The following ABHD18 variants were observed in gnomAD, a reference collection of about 807,000 sequenced individuals.
ABHD18 encodes abhydrolase domain containing 18.
In ABHD18, 55 loss-of-function variants were observed where a neutral mutation model predicts 65.9. The ratio of observed to expected loss-of-function variants is 0.84; its 90% CI spans 0.67 to 1.05. The LOEUF is 1.05. Ranked by LOEUF, ABHD18 falls within the 50% of genes least tolerant of loss-of-function variation. The probability of loss-of-function intolerance (pLI) is 0.00; values close to 1 mark genes in which losing one functional copy is unlikely to be tolerated. For synonymous variants in ABHD18, 181 were observed against 180.2 expected, an observed-to-expected ratio of 1.00 and a Z score of -0.04; for missense variants, 533 against 558.5, an observed-to-expected ratio of 0.95 and a Z score of 0.46.
intron 1 of ABHD18, among the ~76,000 whole-genome samples, chr4:127,982,242 A>C (rs544193729): frequency 3.3e-5 from 5 of 152,342 alleles, no homozygotes; most frequent in Admixed American, 1.3e-4. Flanking sequence ...TAAACCCTGA[A>C]TCTGAATCAG....
At chr4:128,004,623 C>T (rs181400405) in intron 4 of ABHD18, among the ~76,000 whole-genome samples, 14 of 151,902 alleles carry the variant, frequency 9.2e-5, no homozygotes, top group East Asian at 5.8e-4. Context: ...AAAAATTATA[C>T]GTGAGAGCCG....
chr4:128,025,495 A>G (rs1442372606), intron 10 of ABHD18, among the ~76,000 whole-genome samples: 1 of 152,148 alleles, frequency 6.6e-6, no homozygotes, highest in Non-Finnish European at 1.5e-5. Context: ...TTACTGCTAT[A>G]TAATAGTCTA....
At chr4:127,999,262 C>A (rs546000482) in intron 4 of ABHD18, among the ~76,000 whole-genome samples, 1 of 151,496 alleles carries the variant, frequency 6.6e-6, no homozygotes, top group South Asian at 2.1e-4. Context: ...CCAGCCTGGG[C>A]GACAGAGTGA....
Position 128,003,367 on chromosome 4 carries a change from C to CA in ABHD18, c.279-5538dup, listed in dbSNP as rs373482106. On this transcript the variant is annotated intron_variant, in intron 4 of 12. Coordinates refer to ENST00000645843, the MANE Select transcript of ABHD18 (RefSeq NM_001358451.3). ...AGGGCAACAGAGTGAGATGCTGTCT[C>CA]AAAAAAAAAAAAAAATTAATCCAAA... Among the ~76,000 whole-genome samples the CA allele has an allele frequency of 9.9e-3, 1,102 of 110,782 alleles. 16 individuals carry two copies. The highest frequency in any genetic ancestry group is 0.034 in the African/African-American group (905 of 26,964). The allele number at this position is 110,782 out of a possible 152,430, so 72.7% of individuals were successfully genotyped here.
chr4:127,983,173 A>G (rs1579184018), intron 2 of ABHD18, 126 bp downstream of exon 2: 3 of 595,342 alleles, frequency 5.0e-6, no homozygotes, highest in African/African-American at 3.9e-5. Context: ...ACTATGTAAA[A>G]TGTAATTATT....
At chr4:128,035,154 T>C (rs1330921559) in intron 12 of ABHD18, among the ~76,000 whole-genome samples, 1 of 152,200 alleles carries the variant, frequency 6.6e-6, no homozygotes, top group African/African-American at 2.4e-5. Context: ...TCAGTTCCTT[T>C]TTCTTTCATA....
chr4:128,025,056 T>C (rs932089614), intron 10 of ABHD18, among the ~76,000 whole-genome samples: 8 of 152,100 alleles, frequency 5.3e-5, no homozygotes, highest in African/African-American at 1.9e-4. Context: ...CATCAAAAAG[T>C]ATAAATAGAT....
intron 1 of ABHD18, among the ~76,000 whole-genome samples, chr4:127,977,673 C>T (rs188205627): frequency 6.6e-6 from 1 of 152,250 alleles, no homozygotes; most frequent in East Asian, 1.9e-4. Flanking sequence ...TAGAAAGATG[C>T]ATATTGCATT....
intron 12 of ABHD18, among the ~76,000 whole-genome samples, chr4:128,031,826 G>A (rs1386508934): frequency 1.3e-5 from 2 of 152,160 alleles, no homozygotes; most frequent in African/African-American, 4.8e-5. Context: ...GATCTTTTAA[G>A]AAGTATTCAT....
intron 8 of ABHD18, among the ~76,000 whole-genome samples, chr4:128,017,756 C>T (rs1398050293): frequency 6.6e-6 from 1 of 152,132 alleles, no homozygotes; most frequent in Admixed American, 6.6e-5. Flanking sequence ...TTTAACTTTT[C>T]AAGTCTCAAG....
intron 10 of ABHD18, among the ~76,000 whole-genome samples, chr4:128,023,508 G>A (rs1361285657): frequency 6.7e-6 from 1 of 149,842 alleles, no homozygotes; most frequent in Admixed American, 6.7e-5. Context: ...TTGATCCCAG[G>A]AGTTCAAGGC....
intron 1 of ABHD18, chr4:127,966,024 G>A (rs1480379182): frequency 6.6e-6 from 1 of 152,292 alleles, no homozygotes; most frequent in East Asian, 1.9e-4. Context: ...TCACTCAGCA[G>A]AGCCTGCTGC....
chr4:127,971,314 T>C (rs946904973), intron 1 of ABHD18, among the ~76,000 whole-genome samples: 2 of 151,416 alleles, frequency 1.3e-5, no homozygotes, highest in African/African-American at 4.8e-5. Flanking sequence ...CACTGTTCTA[T>C]TGCACTTTAA....
At chr4:127,992,260 T>C (rs1751045239) in intron 4 of ABHD18, among the ~76,000 whole-genome samples, 2 of 152,068 alleles carry the variant, frequency 1.3e-5, no homozygotes, top group South Asian at 4.1e-4. Context: ...TCACCTGACA[T>C]CAGGAGTTCG....
rs772922995 is a variant in ABHD18, at chr4:128,028,810, GA to G, written c.1140del (p.Gly381GlufsTer9). The G allele has an allele frequency of 6.3e-7, 1 of 1,599,006 alleles. No individual in the cohort carries two copies. Among genetic ancestry groups the G allele is most frequent in the Admixed American group, 1.8e-5 (1 of 55,612 alleles). ...SLRKESLIFM[K>X]GVMDECTHVA... ...TTCGGAAAGAGTCTTTAATATTTAT[GA>G]AAGGAGTCATGGATGAATGTACTCA... On this transcript the variant is annotated frameshift_variant, in exon 11 of 13. Transcript: ENST00000645843. LOFTEE classifies it high-confidence loss of function.
rs755312573 is a variant in ABHD18 at position 128,011,711 on chromosome 4, A to G, written c.470+11A>G. On this transcript the variant is annotated intron_variant, in intron 7 of 12. Transcript: ENST00000645843. Reference sequence around the variant, plus strand: ...ACCCAAGGACCAAGTGTAAGTATATATCACTTTCATTTTTGCAGTCTTTTT... The same window carrying G: ...ACCCAAGGACCAAGTGTAAGTATATGTCACTTTCATTTTTGCAGTCTTTTT... 1.3e-6 allele frequency: 2 copies of G among 1,537,436 alleles called. No homozygotes were observed. Among genetic ancestry groups the G allele is most frequent in the South Asian group, 2.5e-5 (2 of 80,262 alleles).
At chr4:127,975,806 ATTTATTTTACTTTAT>A (rs1747803962) in intron 1 of ABHD18, among the ~76,000 whole-genome samples, 3 of 151,912 alleles carry the variant, frequency 2.0e-5, no homozygotes, top group Non-Finnish European at 1.5e-5. Flanking sequence ...TAATTTACTT[ATTTATTTTACTTTAT>A]TTTATTTTAT....
intron 7 of ABHD18, 78 bp downstream of exon 7, chr4:128,011,778 T>C: frequency 1.2e-6 from 1 of 813,462 alleles, no homozygotes; most frequent in Non-Finnish European, 1.7e-6. Flanking sequence ...TGCCTTCAGT[T>C]AACCATTTCT....
chr4:127,996,720 C>G (rs1181770189), intron 4 of ABHD18, among the ~76,000 whole-genome samples: 2 of 152,164 alleles, frequency 1.3e-5, no homozygotes, highest in East Asian at 3.8e-4. Flanking sequence ...CTGCATAAGA[C>G]AGACACTCCC....
Sources: allele counts gnomAD v4.1 joint callset (sites outside exome capture counted in the v4.1 genomes callset), GRCh38; gene constraint gnomAD v4.1.1; transcripts MANE v1.5; gene names NCBI Gene and HGNC (gene_info 2026-07-23, HGNC 2026-07-21).